SIGLEC8: variants seen among roughly 807,000 people sequenced by gnomAD.
The protein encoded by SIGLEC8 is sialic acid binding Ig like lectin 8.
SIGLEC8 carries 32 observed loss-of-function variants against 42.1 expected under a neutral mutation model. The ratio of observed to expected loss-of-function variants is 0.76; its 90% CI spans 0.57 to 1.02. The LOEUF (loss-of-function observed/expected upper bound fraction) is 1.02, where lower values mean the gene tolerates loss of function less well. Among genes scored for constraint, SIGLEC8 ranks in the 50% least tolerant of loss-of-function variants. The pLI is 0.00. For missense variants in SIGLEC8, 611 were observed against 610.2 expected (o/e 1.00, Z -0.01); for synonymous variants, 262 against 260.3 (o/e 1.01, Z -0.06).
chr19:51,454,049 G>A lies in SIGLEC8; in HGVS notation c.1245+170C>T, dbSNP rs77628420. The A allele has an allele frequency of 0.042, 41,390 of 985,296 alleles. 953 individuals carry two copies. The highest frequency in any genetic ancestry group is 0.046 in the Non-Finnish European group (38,244 of 829,902). The allele number at this position is 985,296 out of a possible 1,614,324, so 61.0% of individuals were successfully genotyped here. ...CTGGCCTGGGAAAAATTGGGGGTAG[G>A]GACTGCCATGCTGTCAGCAAGATGG... On this transcript the variant is annotated intron_variant, in intron 6 of 6. Transcript: ENST00000321424. This position sits in a 1 kb window ranked among gnomAD's most constrained non-coding sequence, Gnocchi z 4.7.
In SIGLEC8 at chr19:51,454,714, G is replaced by C; in HGVS notation, c.1118C>G (p.Ala373Gly). The change falls in exon 5 of 7, where the codon GCC becomes GGC. Residue 373 changes from alanine to glycine, a missense_variant. Coordinates refer to ENST00000321424, the MANE Select transcript of SIGLEC8 (RefSeq NM_014442.3). The surrounding 1 kb of genome is among the most constrained non-coding windows in gnomAD (Gnocchi z 4.7). ...GAAGATGATGCAGAAGGACAGGAAG[G>C]CCAGGGCTGTGGCTCCAGCTCCCCC... The part of the protein sequence containing the change: ...AVGGAGATAL[A>G]FLSFCIIFII... The C allele has an allele frequency of 6.2e-7, 1 of 1,613,774 alleles. No individual in the cohort carries two copies.
chr19:51,457,037 G>T, intron 3 of SIGLEC8, 147 bp downstream of exon 3: 2 of 755,078 alleles, frequency 2.6e-6, no homozygotes, highest in African/African-American at 3.4e-5. Flanking sequence ...ATGGTCACGC[G>T]GGCTGGAGAT....
At chr19:51,455,902 A>T (rs993995474) in intron 3 of SIGLEC8, among the ~76,000 whole-genome samples, 16 of 152,336 alleles carry the variant, frequency 1.1e-4, no homozygotes, top group African/African-American at 3.4e-4. Flanking sequence ...GCCACAAAAA[A>T]TGATGAGTTC....
At position 51,454,637 on chromosome 19, in the gene SIGLEC8, C is replaced by T; in HGVS notation, c.1148+47G>A. The T allele has an allele frequency of 6.7e-7, 1 of 1,482,036 alleles. No homozygotes were observed. Among genetic ancestry groups the T allele is most frequent in the Non-Finnish European group, 9.4e-7 (1 of 1,060,360 alleles). 91.8% of individuals were successfully genotyped at this position (1,482,036 alleles called of 1,614,324 possible). A position where few individuals can be genotyped will look rare whatever the true frequency, so the allele number is the denominator to read the frequency against. Reference sequence around the variant, plus strand: ...TGGCTTCAGGGATTCTGTTCCCGGTCTGCCCTGCCCCAGGTCTCTCTCTCC... The same window carrying T: ...TGGCTTCAGGGATTCTGTTCCCGGTTTGCCCTGCCCCAGGTCTCTCTCTCC... On this transcript the variant is annotated intron_variant, in intron 5 of 6. Transcript: ENST00000321424. The surrounding 1 kb of genome is among the most constrained non-coding windows in gnomAD (Gnocchi z 4.7).
intron 3 of SIGLEC8, among the ~76,000 whole-genome samples, 159 bp from the exon 4 acceptor site, chr19:51,455,846 C>T (rs1989477918): frequency 1.3e-5 from 2 of 152,104 alleles, no homozygotes; most frequent in Non-Finnish European, 2.9e-5. Flanking sequence ...CAATGATAGA[C>T]TGGATTAAGA....
Position 51,454,649 on chromosome 19 carries a change from A to G in SIGLEC8, c.1148+35T>C, listed in dbSNP as rs112824935. ...TTCTGTTCCCGGTCTGCCCTGCCCCAGGTCTCTCTCTCCCTCCCCAGGGTC... is the reference window on the plus strand; with the variant it reads ...TTCTGTTCCCGGTCTGCCCTGCCCCGGGTCTCTCTCTCCCTCCCCAGGGTC... On this transcript the variant is annotated intron_variant, in intron 5 of 6. Transcript: ENST00000321424. This position sits in a 1 kb window ranked among gnomAD's most constrained non-coding sequence, Gnocchi z 4.7. 40 of 1,532,160 alleles carry G rather than the reference A, an allele frequency of 2.6e-5. No homozygotes were observed. Among genetic ancestry groups the G allele is most frequent in the African/African-American group, 2.2e-4 (16 of 73,402 alleles). 94.9% of individuals were successfully genotyped at this position (1,532,160 alleles called of 1,614,324 possible). A position where few individuals can be genotyped will look rare whatever the true frequency, so the allele number is the denominator to read the frequency against.
At chr19:51,453,083 G>GTTTT (rs1989404667) in intron 6 of SIGLEC8, among the ~76,000 whole-genome samples, 3 of 150,290 alleles carry the variant, frequency 2.0e-5, no homozygotes, top group Non-Finnish European at 4.4e-5. Flanking sequence ...GTTTTGTTTT[G>GTTTT]TTTTGTTTTT....
In SIGLEC8 at chr19:51,457,177, G is replaced by T. The variant is rs1320453824; in HGVS notation, c.781+7C>A. On this transcript the variant is annotated splice_region_variant and intron_variant, in intron 3 of 6. Transcript: ENST00000321424. ...CCCCCAACCCCAGGGAGGGGGCTCT[G>T]TCCTACCTGTGGCATCTCCTTGGAA... is the stretch of plus-strand genomic sequence containing the variant. 6.2e-7 allele frequency: 1 copy of T among 1,613,300 alleles called. No homozygotes were observed. The highest frequency in any genetic ancestry group is 8.5e-7 in the Non-Finnish European group (1 of 1,179,478).
intron 3 of SIGLEC8, among the ~76,000 whole-genome samples, chr19:51,456,007 T>A (rs1419730808): frequency 1.4e-5 from 2 of 141,380 alleles, no homozygotes; most frequent in Non-Finnish European, 3.0e-5. Context: ...TTCTCACTCA[T>A]AAGTGGGAAC....
intron 3 of SIGLEC8, among the ~76,000 whole-genome samples, chr19:51,455,931 T>C (rs1989480194): frequency 6.6e-6 from 1 of 152,080 alleles, no homozygotes; most frequent in Admixed American, 6.5e-5. Flanking sequence ...TGTAGGGACA[T>C]GGATGAAGCT....
At chr19:51,452,778 C>T (rs1034846901) in intron 6 of SIGLEC8, 145 bp from the exon 7 acceptor site, 1 of 661,714 alleles carries the variant, frequency 1.5e-6, no homozygotes. Context: ...TTTCCTCCAA[C>T]ATTTAACACT....
At chr19:51,453,417 C>T in intron 6 of SIGLEC8, 1 of 984,830 alleles carries the variant, frequency 1.0e-6, no homozygotes, top group Admixed American at 6.1e-5. Context: ...TGAATATCAG[C>T]TTGGGTGCGG....
intron 6 of SIGLEC8, chr19:51,453,625 G>A: frequency 5.8e-6 from 3 of 513,464 alleles, no homozygotes; most frequent in Non-Finnish European, 7.5e-6. Flanking sequence ...AACCTGGGAG[G>A]CAGAGGTTGC....
intron 4 of SIGLEC8, among the ~76,000 whole-genome samples, 155 bp downstream of exon 4, chr19:51,455,263 G>A (rs1050130614): frequency 6.6e-6 from 1 of 152,176 alleles, no homozygotes; most frequent in African/African-American, 2.4e-5. Flanking sequence ...TTCCTGGCGG[G>A]GAGAGGACAG....
chr19:51,454,662 C>A lies in SIGLEC8; in HGVS notation c.1148+22G>T. ...CTGCCCTGCCCCAGGTCTCTCTCTC[C>A]CTCCCCAGGGTCAATGCTCACATGA... On this transcript the variant is annotated intron_variant, in intron 5 of 6. Transcript: ENST00000321424. This position sits in a 1 kb window ranked among gnomAD's most constrained non-coding sequence, Gnocchi z 4.7. The A allele has an allele frequency of 6.3e-7, 1 of 1,588,018 alleles. No individual in the cohort carries two copies. Among genetic ancestry groups the A allele is most frequent in the Non-Finnish European group, 8.6e-7 (1 of 1,156,644 alleles).
intron 2 of SIGLEC8, 114 bp downstream of exon 2, chr19:51,457,346 TC>T: frequency 2.0e-6 from 3 of 1,506,778 alleles, no homozygotes; most frequent in East Asian, 4.6e-5. Context: ...CTGACCCCAC[TC>T]CCAGCCCAGA....
At position 51,458,349 on chromosome 19, in the gene SIGLEC8, C is replaced by A; in HGVS notation, c.39G>T (p.Gly13=). Residue 13 remains glycine (G), a synonymous_variant, in exon 1 of 7, where the codon GGG becomes GGT. Transcript: ENST00000321424. ...GTCTGTCTCCCTCCATCCCCTTTGT[C>A]CCCCAGAGCAGGGGCAGCAGCAGCA... is the stretch of plus-strand genomic sequence containing the variant. ...LLLLLLPLLW[G]TKGMEGDRQY... The A allele has an allele frequency of 7.4e-6, 12 of 1,613,806 alleles. No individual in the cohort carries two copies. Among genetic ancestry groups the A allele is most frequent in the Non-Finnish European group, 8.5e-6 (10 of 1,179,860 alleles).
At chr19:51,456,711 C>T (rs1277951367) in intron 3 of SIGLEC8, among the ~76,000 whole-genome samples, 5 of 152,130 alleles carry the variant, frequency 3.3e-5, no homozygotes, top group East Asian at 3.8e-4. Context: ...TGGTCAGTTC[C>T]GTGGAGGGGG....
chr19:51,456,838 G>A (rs1367230797), intron 3 of SIGLEC8, among the ~76,000 whole-genome samples: 1 of 152,204 alleles, frequency 6.6e-6, no homozygotes, highest in Non-Finnish European at 1.5e-5. Flanking sequence ...ATCAGACAGA[G>A]GAAGTATTCA....
Sources: allele counts gnomAD v4.1 joint callset (sites outside exome capture counted in the v4.1 genomes callset), GRCh38; gene constraint gnomAD v4.1.1; non-coding constraint Gnocchi (gnomAD v3.1); transcripts MANE v1.5; gene names NCBI Gene and HGNC (gene_info 2026-07-23, HGNC 2026-07-21).